AGBL4: variants seen among roughly 807,000 people sequenced by gnomAD.
AGBL4 encodes the protein cytosolic carboxypeptidase 6.
AGBL4 carries 58 observed loss-of-function variants against 66.4 expected under a neutral mutation model. The ratio of observed to expected loss-of-function variants is 0.87; its 90% confidence interval spans 0.71 to 1.09. The LOEUF is 1.09. Among genes scored for constraint, AGBL4 ranks in the 50% least tolerant of loss-of-function variants. The pLI is 0.00. For synonymous variants in AGBL4, 234 were observed against 222.9 expected (o/e 1.05, Z -0.44); for missense variants, 579 against 631.0 (o/e 0.92, Z 0.88).
At position 49,851,429 on chromosome 1, in the gene AGBL4, C is replaced by T. The variant is rs1427523564; in HGVS notation, c.124G>A (p.Gly42Arg). The T allele has an allele frequency of 2.6e-6, 4 of 1,549,244 alleles. No individual in the cohort carries two copies. The highest frequency in any genetic ancestry group is 1.7e-4 in the Middle Eastern group (1 of 6,010). The change falls in exon 2 of 14, where the codon GGA becomes AGA. Residue 42 changes from glycine (G) to arginine (R), a missense_variant. By Grantham distance (125) the Gly-to-Arg change is moderately radical. Coordinates refer to ENST00000371839, the MANE Select transcript of AGBL4 (RefSeq NM_032785.4). ...PTGYCGQPKK[G>R]HLIFDACFES... ...AAGCAAGCATCAAAGATAAGATGTC[C>T]TTTCTTGGGCTGTCCACAATAGCCA...
chr1:48,873,446 CCT>C (rs1273142844), intron 5 of AGBL4, among the ~76,000 whole-genome samples: 1 of 152,098 alleles, frequency 6.6e-6, no homozygotes, highest in Admixed American at 6.5e-5. Flanking sequence ...GGGTCCTTCC[CCT>C]GTCCTTCCCC....
chr1:49,335,524 C>CT (rs531575652), intron 3 of AGBL4, among the ~76,000 whole-genome samples: 2 of 147,410 alleles, frequency 1.4e-5, no homozygotes, highest in African/African-American at 2.5e-5. Flanking sequence ...TTTTTTTTTT[C>CT]TTTTTTTTTG....
intron 4 of AGBL4, among the ~76,000 whole-genome samples, chr1:49,239,191 C>G (rs868399533): frequency 3.3e-5 from 5 of 151,878 alleles, no homozygotes; most frequent in South Asian, 2.1e-4. Context: ...TTTTATGGCT[C>G]CTAAAGTAAC....
chr1:49,359,995 G>C (rs1346124788), intron 3 of AGBL4, among the ~76,000 whole-genome samples: 3 of 152,092 alleles, frequency 2.0e-5, no homozygotes, highest in African/African-American at 7.2e-5. Context: ...GTGTCGACGT[G>C]CACCATGTCT....
intron 3 of AGBL4, among the ~76,000 whole-genome samples, chr1:49,580,216 A>C (rs1253316200): frequency 6.6e-6 from 1 of 152,160 alleles, no homozygotes; most frequent in Non-Finnish European, 1.5e-5. Flanking sequence ...ATAAGTAAGA[A>C]CAGTTTCTTG....
intron 4 of AGBL4, among the ~76,000 whole-genome samples, chr1:49,110,929 G>C (rs1320930705): frequency 1.3e-5 from 2 of 151,776 alleles, no homozygotes; most frequent in Non-Finnish European, 2.9e-5. Flanking sequence ...AATTTCCCAG[G>C]GTGTGATCTC....
intron 3 of AGBL4, among the ~76,000 whole-genome samples, chr1:49,560,899 C>T (rs2148853103): frequency 6.6e-6 from 1 of 151,994 alleles, no homozygotes; most frequent in East Asian, 1.9e-4. Context: ...AAAGATTTTC[C>T]CAGAAAAACA....
At chr1:49,002,834 A>G (rs766311485) in intron 5 of AGBL4, among the ~76,000 whole-genome samples, 1 of 152,100 alleles carries the variant, frequency 6.6e-6, no homozygotes, top group Non-Finnish European at 1.5e-5. Flanking sequence ...CTCCCACTCC[A>G]CTCAGGAAGC....
At chr1:48,922,099 G>A (rs1460812247) in intron 5 of AGBL4, among the ~76,000 whole-genome samples, 1 of 152,164 alleles carries the variant, frequency 6.6e-6, no homozygotes, top group Non-Finnish European at 1.5e-5. Context: ...GTTTAAGGAA[G>A]TCTTCTCCAG....
intron 11 of AGBL4, among the ~76,000 whole-genome samples, chr1:48,556,552 C>T (rs1320404172): frequency 1.3e-5 from 2 of 152,198 alleles, no homozygotes; most frequent in African/African-American, 4.8e-5. Context: ...GGCAGGGCCT[C>T]TGCCCAAAAG....
chr1:49,855,748 G>T (rs1260454323), intron 1 of AGBL4, among the ~76,000 whole-genome samples: 1 of 152,008 alleles, frequency 6.6e-6, no homozygotes, highest in Non-Finnish European at 1.5e-5. Context: ...ACGTGATAAA[G>T]CAAAAGCAGT....
At chr1:48,980,437 C>T (rs1659658010) in intron 5 of AGBL4, among the ~76,000 whole-genome samples, 1 of 152,004 alleles carries the variant, frequency 6.6e-6, no homozygotes, top group Non-Finnish European at 1.5e-5. Flanking sequence ...AGGGAACTGA[C>T]AGTTAATCTA....
At chr1:48,644,188 G>A (rs541277688) in intron 8 of AGBL4, among the ~76,000 whole-genome samples, 14 of 152,114 alleles carry the variant, frequency 9.2e-5, no homozygotes, top group South Asian at 4.2e-4. Context: ...TTAATGTTTC[G>A]TATTATTATA....
intron 3 of AGBL4, among the ~76,000 whole-genome samples, chr1:49,519,486 G>A (rs1650085610): frequency 6.6e-6 from 1 of 151,902 alleles, no homozygotes; most frequent in Non-Finnish European, 1.5e-5. Context: ...CTGTTTTACA[G>A]GTGAAAAATA....
intron 3 of AGBL4, among the ~76,000 whole-genome samples, chr1:49,392,331 C>A: frequency 6.6e-6 from 1 of 152,122 alleles, no homozygotes; most frequent in Non-Finnish European, 1.5e-5. Context: ...ATATCCTTTT[C>A]TCTGGAGTAT....
intron 10 of AGBL4, 39 bp downstream of exon 10, chr1:48,590,794 G>T (rs758238956): frequency 2.4e-5 from 38 of 1,561,546 alleles, no homozygotes; most frequent in African/African-American, 1.1e-4. Flanking sequence ...GGCAGGGTGT[G>T]GGGGGCTGGG....
intron 3 of AGBL4, among the ~76,000 whole-genome samples, chr1:49,541,960 A>G (rs1004429619): frequency 6.6e-6 from 1 of 152,156 alleles, no homozygotes; most frequent in Non-Finnish European, 1.5e-5. Flanking sequence ...AAATACACCA[A>G]TCAGCACTCT....
chr1:48,877,362 G>GTAGA (rs1649330148), intron 5 of AGBL4, among the ~76,000 whole-genome samples: 1 of 152,138 alleles, frequency 6.6e-6, no homozygotes, highest in African/African-American at 2.4e-5. Context: ...GGTAATTAAC[G>GTAGA]TAGATATAAT....
In AGBL4 at chr1:49,714,178, G is replaced by A. The variant is rs914781527; in HGVS notation, c.158-16741C>T. ...GAAGTAATTCACAGAAACTGAATAC[G>A]AATCCAGGTACTCCTGCTTGATTGC... On this transcript the variant is annotated intron_variant, in intron 2 of 13. Coordinates refer to ENST00000371839, the MANE Select transcript of AGBL4 (RefSeq NM_032785.4). Among the ~76,000 whole-genome samples, 31 of 151,920 alleles carry A rather than the reference G, an allele frequency of 2.0e-4. 1 individual carries two copies. Among genetic ancestry groups the A allele is most frequent in the African/African-American group, 5.3e-4 (22 of 41,388 alleles).
Sources: allele counts gnomAD v4.1 joint callset (sites outside exome capture counted in the v4.1 genomes callset), GRCh38; gene constraint gnomAD v4.1.1; transcripts MANE v1.5; gene names NCBI Gene and HGNC (gene_info 2026-07-23, HGNC 2026-07-21).